The following TCTN1 variants were observed in gnomAD, a reference collection of about 807,000 sequenced individuals.
The protein encoded by TCTN1 is tectonic family member 1.
TCTN1 carries 58 observed loss-of-function variants against 65.8 expected under a neutral mutation model. The ratio of observed to expected loss-of-function variants is 0.88; its 90% CI spans 0.71 to 1.10. TCTN1 has a LOEUF of 1.10. Among genes scored for constraint, TCTN1 ranks in the 50% least tolerant of loss-of-function variants. The pLI, the probability that TCTN1 is intolerant of heterozygous loss-of-function variation, is 0.00. For synonymous variants in TCTN1, 273 were observed against 289.1 expected (o/e 0.94, Z 0.57); for missense variants, 645 against 719.4 (o/e 0.90, Z 1.18).
At chr12:110,622,629 G>A (rs2065517559) in intron 2 of TCTN1, among the ~76,000 whole-genome samples, 1 of 152,110 alleles carries the variant, frequency 6.6e-6, no homozygotes, top group African/African-American at 2.4e-5. Flanking sequence ...AGAGATGGGG[G>A]GATGTGGGAT....
chr12:110,644,507 C>T lies in TCTN1; in HGVS notation c.1332-460C>T. 1 of 230,054 alleles carries T rather than the reference C, an allele frequency of 4.3e-6. No individual in the cohort carries two copies. Among genetic ancestry groups the T allele is most frequent in the South Asian group, 5.5e-5 (1 of 18,174 alleles). 14.3% of individuals were successfully genotyped at this position (230,054 alleles called of 1,614,324 possible). ...CCTGGCCAACATGGTGAAACCCCGTCTCTACTAAAAATACAAAAAAATTAG... is the reference window on the plus strand; with the variant it reads ...CCTGGCCAACATGGTGAAACCCCGTTTCTACTAAAAATACAAAAAAATTAG... On this transcript the variant is annotated intron_variant, in intron 11 of 14. Transcript: ENST00000397659. The surrounding 1 kb of genome is among the most constrained non-coding windows in gnomAD (Gnocchi z 4.6).
Position 110,640,429 on chromosome 12 carries a change from C to T in TCTN1, c.890C>T (p.Thr297Met), listed in dbSNP as rs200460700. 234 of 1,614,028 alleles carry T rather than the reference C, an allele frequency of 1.4e-4. 1 individual carries two copies. Among genetic ancestry groups the T allele is most frequent in the Middle Eastern group, 4.9e-4 (3 of 6,084 alleles). ...ATCGTCATTCAGTCTCTAAATAAAACGCTCACCCGACGGGAGGACACTGAT... is the reference window on the plus strand; with the variant it reads ...ATCGTCATTCAGTCTCTAAATAAAATGCTCACCCGACGGGAGGACACTGAT... ...QSIVIQSLNKTLTRREDTDVL... is the reference protein window; with the variant it reads ...QSIVIQSLNKMLTRREDTDVL... Residue 297 changes from threonine (T) to methionine (M), a missense_variant, in exon 8 of 15, where the codon ACG (threonine) becomes ATG (methionine). Physicochemically the swap from Thr to Met is moderately conservative, Grantham distance 81. Transcript: ENST00000397659. The surrounding 1 kb of genome is among the most constrained non-coding windows in gnomAD (Gnocchi z 4.9).
At chr12:110,625,047 C>T (rs1502337) in intron 2 of TCTN1, among the ~76,000 whole-genome samples, 69,607 of 152,098 alleles carry the variant, frequency 0.46, 18,650 homozygotes, top group African/African-American at 0.75. Context: ...CATTTTCTTA[C>T]TCTCACAGTC....
At chr12:110,619,987 A>C in intron 2 of TCTN1, 31 bp downstream of exon 2, 1 of 1,614,112 alleles carries the variant, frequency 6.2e-7, no homozygotes, top group Non-Finnish European at 8.5e-7. Flanking sequence ...TGCAATTTTG[A>C]AAAAATTTGA....
At position 110,614,219 on chromosome 12, in the gene TCTN1, C is replaced by A; in HGVS notation, c.37C>A (p.Leu13Ile). Residue 13 changes from leucine (L) to isoleucine (I), a missense_variant, in exon 1 of 15, where the codon CTC (leucine) becomes ATC (isoleucine). Coordinates refer to ENST00000397659, the MANE Select transcript of TCTN1 (RefSeq NM_001082538.3). The part of the protein sequence containing the change: ...PRGLPPLLVV[L>I]LGCWASVSAQ... ...AGGTCTCCCGCCGCTCCTGGTGGTGCTCCTGGGCTGCTGGGCCTCCGTGAG... is the reference window on the plus strand; with the variant it reads ...AGGTCTCCCGCCGCTCCTGGTGGTGATCCTGGGCTGCTGGGCCTCCGTGAG... The A allele has an allele frequency of 6.3e-7, 1 of 1,584,634 alleles. No individual in the cohort carries two copies. The highest frequency in any genetic ancestry group is 8.6e-7 in the Non-Finnish European group (1 of 1,166,348).
intron 2 of TCTN1, among the ~76,000 whole-genome samples, chr12:110,620,364 C>T (rs964836451): frequency 2.6e-5 from 4 of 151,454 alleles, no homozygotes; most frequent in African/African-American, 9.7e-5. Context: ...GTGGAGATTG[C>T]GCTACTGCAC....
intron 2 of TCTN1, among the ~76,000 whole-genome samples, chr12:110,620,352 G>A (rs538490629): frequency 3.3e-4 from 50 of 152,094 alleles, no homozygotes; most frequent in African/African-American, 1.2e-3. Context: ...AGCTTGCAGT[G>A]AGTGGAGATT....
chr12:110,647,985 A>C, intron 14 of TCTN1, 92 bp downstream of exon 14: 1 of 1,578,626 alleles, frequency 6.3e-7, no homozygotes, highest in South Asian at 1.1e-5. Context: ...ACTGCATTTT[A>C]TACTTTTTGA....
At chr12:110,646,151 A>G (rs2067285449) in intron 12 of TCTN1, 1 of 152,356 alleles carries the variant, frequency 6.6e-6, no homozygotes, top group East Asian at 1.9e-4. Context: ...GGCCTGCAGC[A>G]GCAGGTTTTG....
chr12:110,617,215 A>G (rs901168116), intron 1 of TCTN1, among the ~76,000 whole-genome samples: 4 of 152,182 alleles, frequency 2.6e-5, no homozygotes, highest in African/African-American at 9.7e-5. Flanking sequence ...TCAACTAGAG[A>G]GAAGCACTGT....
chr12:110,628,798 A>C lies in TCTN1; in HGVS notation c.504A>C (p.Glu168Asp), dbSNP rs1488753763. 1 of 1,609,710 alleles carries C rather than the reference A, an allele frequency of 6.2e-7. No homozygotes were observed. The highest frequency in any genetic ancestry group is 2.2e-5 in the East Asian group (1 of 44,798). The change falls in exon 4 of 15, where the codon GAA (glutamate) becomes GAC (aspartate). Residue 168 changes from glutamate to aspartate, a missense_variant. Physicochemically the swap from Glu to Asp is conservative, Grantham distance 45. Transcript: ENST00000397659. ...YKPALSFINP[E>D]VPDENNFDTL... ...CTGCATTATCCTTTATTAATCCAGA[A>C]GTACCTGATGAAAACAATTTTGATA... is the stretch of plus-strand genomic sequence containing the variant.
Position 110,649,223 on chromosome 12 carries a change from T to C in TCTN1, c.*182T>C. The C allele has an allele frequency of 1.5e-6, 1 of 673,656 alleles. No individual in the cohort carries two copies. Among genetic ancestry groups the C allele is most frequent in the Non-Finnish European group, 2.7e-6 (1 of 370,982 alleles). 41.7% of individuals were successfully genotyped at this position (673,656 alleles called of 1,614,324 possible). Reference sequence around the variant, plus strand: ...TGATACAGTGTGGGGTGGGAGTGGATGGGCAGCTCTTGGTGGTACTGGACC... The same window carrying C: ...TGATACAGTGTGGGGTGGGAGTGGACGGGCAGCTCTTGGTGGTACTGGACC... On this transcript the variant is annotated 3_prime_UTR_variant, in exon 15 of 15. Coordinates refer to ENST00000397659, the MANE Select transcript of TCTN1 (RefSeq NM_001082538.3).
In TCTN1 at chr12:110,640,407, G is replaced by A. The variant is rs1021065579; in HGVS notation, c.868G>A (p.Val290Ile). Residue 290 changes from valine (V) to isoleucine (I), a missense_variant, in exon 8 of 15, where the codon GTC (valine) becomes ATC (isoleucine). Physicochemically the swap from Val to Ile is conservative, Grantham distance 29 (BLOSUM62 3). Transcript: ENST00000397659. This position sits in a 1 kb window ranked among gnomAD's most constrained non-coding sequence, Gnocchi z 4.9. Reference protein sequence around the residue: ...KKVPITVQSIVIQSLNKTLTR... With the variant: ...KKVPITVQSIIIQSLNKTLTR... Reference sequence around the variant, plus strand: ...GGTCCCTATCACTGTTCAGTCCATCGTCATTCAGTCTCTAAATAAAACGCT... The same window carrying A: ...GGTCCCTATCACTGTTCAGTCCATCATCATTCAGTCTCTAAATAAAACGCT... 9 of 1,613,966 alleles carry A rather than the reference G, an allele frequency of 5.6e-6. No homozygotes were observed. Among genetic ancestry groups the A allele is most frequent in the Middle Eastern group, 3.3e-4 (2 of 6,062 alleles).
intron 3 of TCTN1, chr12:110,627,876 A>G (rs184040295): frequency 3.2e-6 from 2 of 628,400 alleles, no homozygotes; most frequent in South Asian, 1.9e-5. Flanking sequence ...ATTCTGTCAT[A>G]TTTTCAGAAT....
chr12:110,616,286 C>CT (rs1257880145), intron 1 of TCTN1: 4 of 446,408 alleles, frequency 9.0e-6, no homozygotes, highest in African/African-American at 8.1e-5. Flanking sequence ...GGGTCTCACT[C>CT]TGTCACTCAG....
At chr12:110,647,449 G>C in intron 13 of TCTN1, 113 bp downstream of exon 13, 1 of 1,398,492 alleles carries the variant, frequency 7.2e-7, no homozygotes, top group Non-Finnish European at 9.9e-7. Context: ...AAACCATGGG[G>C]GTTCATAAAA....
rs2066563299 is a variant in TCTN1, at chr12:110,636,326, G to A, written c.823-155G>A. 6.9e-6 allele frequency: 4 copies of A among 583,142 alleles called. No individual in the cohort carries two copies. In the Admixed American group the frequency reaches 1.1e-4, roughly 16 times the overall value. 36.1% of individuals were successfully genotyped at this position (583,142 alleles called of 1,614,324 possible). A position where few individuals can be genotyped will look rare whatever the true frequency, so the allele number is the denominator to read the frequency against. On this transcript the variant is annotated intron_variant, in intron 6 of 14. Coordinates refer to ENST00000397659, the MANE Select transcript of TCTN1 (RefSeq NM_001082538.3). Reference sequence around the variant, plus strand: ...GATTAGGACATAGATTCAAACACATGCAGATGGGGAGTCTTGATCAAGGAA... The same window carrying A: ...GATTAGGACATAGATTCAAACACATACAGATGGGGAGTCTTGATCAAGGAA...
At chr12:110,626,259 G>A in intron 2 of TCTN1, 103 bp from the exon 3 acceptor site, 2 of 1,320,124 alleles carry the variant, frequency 1.5e-6, no homozygotes, top group Non-Finnish European at 2.1e-6. Context: ...CCACGTAACT[G>A]TTAACATAGT....
chr12:110,646,992 CG>C, intron 12 of TCTN1: 2 of 606,162 alleles, frequency 3.3e-6, no homozygotes, highest in South Asian at 2.0e-5. Flanking sequence ...GGAAAAATTA[CG>C]CTTCAGCTGT....
Sources: gnomAD v4.1 joint callset for allele counts (sites outside exome capture counted in the v4.1 genomes callset) on GRCh38, gnomAD v4.1.1 for gene constraint, Gnocchi (gnomAD v3.1) non-coding constraint, MANE v1.5 for transcripts, NCBI Gene and HGNC (gene_info 2026-07-23, HGNC 2026-07-21) for gene names.